PHACTR1: variants seen among roughly 807,000 people sequenced by gnomAD.
PHACTR1 encodes RPEL repeat containing 1.
Under a neutral mutation model 69.2 loss-of-function variants are expected in PHACTR1, and 16 were observed. The ratio of observed to expected loss-of-function variants is 0.23; its 90% CI spans 0.16 to 0.35. The LOEUF is 0.35. PHACTR1 is among the 10% of genes least tolerant of loss of function. The pLI is 1.00. For missense variants in PHACTR1, 510 were observed against 734.7 expected, an observed-to-expected ratio of 0.69 and a Z score of 3.54; for synonymous variants, 312 against 284.5, an observed-to-expected ratio of 1.10 and a Z score of -0.97.
At position 12,839,836 on chromosome 6, in the gene PHACTR1, G is replaced by A. The variant is rs150558314; in HGVS notation, c.250+90046G>A. The stretch of plus-strand genomic sequence containing the variant: ...AGATGTGGTGAAGATAGGCTGCGCA[G>A]AAGGTGAAAACAGTGCCTGTGACTA... On this transcript the variant is annotated intron_variant, in intron 4 of 14. Coordinates refer to ENST00000332995, the MANE Select transcript of PHACTR1 (RefSeq NM_030948.6). 5.9e-5 allele frequency among the ~76,000 whole-genome samples: 9 copies of A among 152,330 alleles called. No homozygotes were observed. In the East Asian group the frequency reaches 1.7e-3, roughly 29 times the overall value.
At chr6:13,280,857 C>T in intron 12 of PHACTR1, 2 of 865,898 alleles carry the variant, frequency 2.3e-6, no homozygotes, top group East Asian at 6.4e-5. Context: ...TCCAGATGCC[C>T]CGAAGGCTAC....
intron 7 of PHACTR1, among the ~76,000 whole-genome samples, chr6:13,195,890 C>G (rs1764341286): frequency 6.6e-6 from 1 of 151,658 alleles, no homozygotes; most frequent in Non-Finnish European, 1.5e-5. Flanking sequence ...TAGAAGTCAT[C>G]TTTGCTTTTT....
chr6:12,819,241 A>G (rs984534466), intron 4 of PHACTR1, among the ~76,000 whole-genome samples: 55 of 152,300 alleles, frequency 3.6e-4, no homozygotes, highest in African/African-American at 1.3e-3. Flanking sequence ...CAGAGTGACA[A>G]TGAGATAATG....
At chr6:13,035,467 C>G (rs1803169995) in intron 4 of PHACTR1, among the ~76,000 whole-genome samples, 1 of 151,614 alleles carries the variant, frequency 6.6e-6, no homozygotes, top group Non-Finnish European at 1.5e-5. Context: ...CTGCATTGTT[C>G]TAGTTTCTGT....
chr6:13,032,044 C>T (rs1802524909), intron 4 of PHACTR1, among the ~76,000 whole-genome samples: 1 of 152,156 alleles, frequency 6.6e-6, no homozygotes, highest in Non-Finnish European at 1.5e-5. Context: ...TGTAATGAAA[C>T]ACCCAAATTT....
At chr6:12,782,276 C>T (rs1021584307) in intron 4 of PHACTR1, among the ~76,000 whole-genome samples, 19 of 152,120 alleles carry the variant, frequency 1.2e-4, no homozygotes, top group Non-Finnish European at 2.2e-4. Context: ...AAACATGACA[C>T]GGAACATGAC....
chr6:12,720,308 T>C (rs1327919435), intron 3 of PHACTR1, among the ~76,000 whole-genome samples: 3 of 152,236 alleles, frequency 2.0e-5, no homozygotes, highest in Non-Finnish European at 4.4e-5. Flanking sequence ...GCATAGCTGT[T>C]GGCAAAACAG....
At chr6:13,129,570 A>G (rs946093492) in intron 5 of PHACTR1, among the ~76,000 whole-genome samples, 3 of 152,180 alleles carry the variant, frequency 2.0e-5, no homozygotes, top group African/African-American at 4.8e-5. Context: ...AGGGACTTAC[A>G]TAATGATAAA....
chr6:13,210,440 T>C (rs1264638785), intron 8 of PHACTR1, among the ~76,000 whole-genome samples: 1 of 152,158 alleles, frequency 6.6e-6, no homozygotes, highest in East Asian at 1.9e-4. Context: ...GAAGCAAATT[T>C]AAAGGGTCAT....
At chr6:12,964,503 C>T (rs967910899) in intron 4 of PHACTR1, among the ~76,000 whole-genome samples, 4 of 152,104 alleles carry the variant, frequency 2.6e-5, no homozygotes, top group African/African-American at 9.7e-5. Context: ...AAGTGGAATG[C>T]CAATTCACAG....
At chr6:12,811,159 A>T (rs1774973128) in intron 4 of PHACTR1, among the ~76,000 whole-genome samples, 1 of 152,216 alleles carries the variant, frequency 6.6e-6, no homozygotes, top group South Asian at 2.1e-4. Flanking sequence ...TTGTTTTATT[A>T]TCAGTCGTAG....
intron 4 of PHACTR1, among the ~76,000 whole-genome samples, chr6:12,926,596 T>C (rs910293632): frequency 3.3e-5 from 5 of 152,232 alleles, no homozygotes; most frequent in Non-Finnish European, 7.3e-5. Flanking sequence ...TCCTGACTCA[T>C]ATCCTTGTCC....
chr6:12,749,459 T>C (rs1304655193), intron 3 of PHACTR1, 185 bp from the exon 4 acceptor site: 1 of 667,748 alleles, frequency 1.5e-6, no homozygotes, highest in African/African-American at 1.8e-5. Flanking sequence ...CTTTCTCTCC[T>C]TTGCTCTCTT....
At chr6:13,260,936 T>C (rs1158343612) in intron 10 of PHACTR1, among the ~76,000 whole-genome samples, 1 of 152,238 alleles carries the variant, frequency 6.6e-6, no homozygotes, top group Non-Finnish European at 1.5e-5. Context: ...GCACTGTTGA[T>C]GCTTTGGACT....
At chr6:12,995,389 T>C (rs945781940) in intron 4 of PHACTR1, among the ~76,000 whole-genome samples, 14 of 151,764 alleles carry the variant, frequency 9.2e-5, no homozygotes, top group African/African-American at 3.4e-4. Context: ...ACAACAACTA[T>C]AAATAGATTA....
At chr6:13,207,104 C>G (rs1766053965) in intron 8 of PHACTR1, among the ~76,000 whole-genome samples, 1 of 152,178 alleles carries the variant, frequency 6.6e-6, no homozygotes, top group African/African-American at 2.4e-5. Flanking sequence ...CATATTGTGT[C>G]TCTATAAGCA....
At chr6:13,284,062 A>C (rs1173552231) in intron 13 of PHACTR1, among the ~76,000 whole-genome samples, 1 of 152,178 alleles carries the variant, frequency 6.6e-6, no homozygotes, top group Non-Finnish European at 1.5e-5. Flanking sequence ...AAAAAGAATA[A>C]TCTGAGGTTC....
intron 4 of PHACTR1, among the ~76,000 whole-genome samples, chr6:12,976,870 G>A (rs1794938120): frequency 6.6e-6 from 1 of 152,100 alleles, no homozygotes. Context: ...AGTAATTGTT[G>A]CTAATCTGTT....
chr6:12,949,766 G>T (rs916517034), intron 4 of PHACTR1, among the ~76,000 whole-genome samples: 12 of 152,042 alleles, frequency 7.9e-5, no homozygotes, highest in African/African-American at 2.9e-4. Context: ...AGCTTCTGTG[G>T]TTTGAAAAAA....
Sources: allele counts gnomAD v4.1 joint callset (sites outside exome capture counted in the v4.1 genomes callset), GRCh38; gene constraint gnomAD v4.1.1; transcripts MANE v1.5; gene names NCBI Gene and HGNC (gene_info 2026-07-23, HGNC 2026-07-21).